EFCAB11: variants seen among roughly 807,000 people sequenced by gnomAD.
EFCAB11 encodes the protein EF-hand calcium binding domain 11.
EFCAB11 carries 14 observed loss-of-function variants against 23.0 expected under a neutral mutation model. The observed-to-expected ratio is 0.61, with a 90% CI of 0.40 to 0.95. EFCAB11 has a LOEUF of 0.95. EFCAB11 is among the 40% of genes least tolerant of loss of function. The pLI is 0.00. For missense variants in EFCAB11, 198 were observed against 195.8 expected (o/e 1.01, Z -0.07); for synonymous variants, 65 against 66.6 (o/e 0.98, Z 0.11).
intron 5 of EFCAB11, among the ~76,000 whole-genome samples, chr14:89,907,360 C>T (rs181846477): frequency 9.3e-4 from 142 of 152,224 alleles, no homozygotes; most frequent in African/African-American, 3.2e-3. Flanking sequence ...GTAAAAAATA[C>T]AGATGTTTTT....
intron 5 of EFCAB11, among the ~76,000 whole-genome samples, chr14:89,851,390 CCCAG>C (rs1456981639): frequency 2.0e-5 from 3 of 152,126 alleles, no homozygotes; most frequent in Non-Finnish European, 4.4e-5. Context: ...GGCTTCAGCT[CCCAG>C]TTCACAAAAA....
chr14:89,810,646 C>G (rs540245214), intron 5 of EFCAB11, among the ~76,000 whole-genome samples: 2 of 151,052 alleles, frequency 1.3e-5, no homozygotes, highest in South Asian at 4.2e-4. Flanking sequence ...ATCCCAGCTA[C>G]TTAGGAGGCT....
intron 5 of EFCAB11, among the ~76,000 whole-genome samples, chr14:89,809,844 A>G (rs1341726151): frequency 6.6e-6 from 1 of 152,220 alleles, no homozygotes; most frequent in Non-Finnish European, 1.5e-5. Context: ...GAGGATAAAC[A>G]GTGATTAAAG....
chr14:89,929,062 T>TATATATATATATATATATATATA (rs1890299425), intron 5 of EFCAB11, among the ~76,000 whole-genome samples: 1 of 134,368 alleles, frequency 7.4e-6, no homozygotes, highest in South Asian at 2.5e-4. Flanking sequence ...CACATATTTT[T>TATATATATATATATATATATATA]TTTTAGGAGG....
At chr14:89,882,502 A>G (rs1888632882) in intron 5 of EFCAB11, among the ~76,000 whole-genome samples, 1 of 152,088 alleles carries the variant, frequency 6.6e-6, no homozygotes, top group Non-Finnish European at 1.5e-5. Flanking sequence ...CAGGTGAAAA[A>G]CCTACAGCAA....
At chr14:89,888,193 C>A (rs1319295900) in intron 5 of EFCAB11, among the ~76,000 whole-genome samples, 3 of 152,104 alleles carry the variant, frequency 2.0e-5, no homozygotes, top group African/African-American at 7.2e-5. Context: ...GGAGGTGGGG[C>A]CTTTGGAAGG....
chr14:89,860,472 T>G (rs1325854749), intron 5 of EFCAB11, among the ~76,000 whole-genome samples: 1 of 152,216 alleles, frequency 6.6e-6, no homozygotes, highest in Non-Finnish European at 1.5e-5. Context: ...ATAGGCATAC[T>G]ACCTCACATG....
At chr14:89,902,352 C>G (rs1382070815) in intron 5 of EFCAB11, among the ~76,000 whole-genome samples, 3 of 152,144 alleles carry the variant, frequency 2.0e-5, no homozygotes, top group Non-Finnish European at 2.9e-5. Context: ...TGTTTTATCT[C>G]TATCTGAAAT....
intron 5 of EFCAB11, among the ~76,000 whole-genome samples, chr14:89,833,608 C>G (rs1886959585): frequency 1.3e-5 from 2 of 151,998 alleles, no homozygotes; most frequent in Non-Finnish European, 2.9e-5. Context: ...GTGTGGCACT[C>G]AAGTTCTGAG....
Position 89,922,565 on chromosome 14 carries a change from C to T in EFCAB11, c.410+8976G>A, listed in dbSNP as rs572631755. Among the ~76,000 whole-genome samples, 11 of 152,230 alleles carry T rather than the reference C, an allele frequency of 7.2e-5. No individual in the cohort carries two copies. In the South Asian group the frequency reaches 1.9e-3, roughly 26 times the overall value. On this transcript the variant is annotated intron_variant, in intron 5 of 5. Transcript: ENST00000316738. ...CCTGGGGCTTGACTAGACTCCTGACCTTAACATGGTGCCAGTGTGGTATTT... is the reference window on the plus strand; with the variant it reads ...CCTGGGGCTTGACTAGACTCCTGACTTTAACATGGTGCCAGTGTGGTATTT...
chr14:89,857,071 T>C (rs1343848478), intron 5 of EFCAB11, among the ~76,000 whole-genome samples: 1 of 152,236 alleles, frequency 6.6e-6, no homozygotes, highest in Non-Finnish European at 1.5e-5. Flanking sequence ...GCAGAAAATA[T>C]AGACCTGGCT....
At chr14:89,894,437 C>T (rs1346119873) in intron 5 of EFCAB11, among the ~76,000 whole-genome samples, 5 of 148,604 alleles carry the variant, frequency 3.4e-5, no homozygotes, top group African/African-American at 7.5e-5. Flanking sequence ...CCTCCGCCCC[C>T]GACAGGCCCC....
At chr14:89,863,795 C>A (rs1207464815) in intron 5 of EFCAB11, among the ~76,000 whole-genome samples, 2 of 152,188 alleles carry the variant, frequency 1.3e-5, no homozygotes, top group Non-Finnish European at 2.9e-5. Flanking sequence ...CAATGCTACA[C>A]ATTTTGCCTG....
rs577290260 is a variant in EFCAB11, at chr14:89,951,102, G to A, written c.172-960C>T. 8.2e-4 allele frequency among the ~76,000 whole-genome samples: 124 copies of A among 151,524 alleles called. 1 individual carries two copies. The South Asian group carries it at 0.011, about 13-fold the overall frequency. On this transcript the variant is annotated intron_variant, in intron 2 of 5. Coordinates refer to ENST00000316738, the MANE Select transcript of EFCAB11 (RefSeq NM_145231.4). ...TCTCAGGGAAGCAGTAAAATCTAAC[G>A]GTGGATTTTCACCACCATAACCTCA...
At chr14:89,840,511 G>C (rs1483853316) in intron 5 of EFCAB11, among the ~76,000 whole-genome samples, 19 of 152,138 alleles carry the variant, frequency 1.2e-4, no homozygotes, top group Non-Finnish European at 5.9e-5. Flanking sequence ...TGACCATTGA[G>C]GAACAAATAT....
chr14:89,817,280 C>T (rs1385153865), intron 5 of EFCAB11, among the ~76,000 whole-genome samples: 3 of 151,960 alleles, frequency 2.0e-5, no homozygotes, highest in African/African-American at 4.8e-5. Context: ...CTTTGGGAGG[C>T]CAAGGGGGGA....
At chr14:89,930,539 G>C (rs1247364458) in intron 5 of EFCAB11, among the ~76,000 whole-genome samples, 1 of 152,130 alleles carries the variant, frequency 6.6e-6, no homozygotes, top group South Asian at 2.1e-4. Context: ...TCCTGAAAAG[G>C]AGTGCATACC....
intron 5 of EFCAB11, among the ~76,000 whole-genome samples, chr14:89,912,866 A>T (rs1490122858): frequency 6.6e-6 from 1 of 152,228 alleles, no homozygotes; most frequent in Non-Finnish European, 1.5e-5. Flanking sequence ...AATGTTTCAT[A>T]GTCACTCTGC....
At chr14:89,867,728 A>C (rs1437279243) in intron 5 of EFCAB11, among the ~76,000 whole-genome samples, 1 of 152,204 alleles carries the variant, frequency 6.6e-6, no homozygotes, top group African/African-American at 2.4e-5. Flanking sequence ...GAATTAGTTA[A>C]ATCAAAATAC....
Sources: gnomAD v4.1 joint callset for allele counts (sites outside exome capture counted in the v4.1 genomes callset) on GRCh38, gnomAD v4.1.1 for gene constraint, MANE v1.5 for transcripts, NCBI Gene and HGNC (gene_info 2026-07-23, HGNC 2026-07-21) for gene names.